The following LRRC37A2 variants were observed in gnomAD, a reference collection of about 807,000 sequenced individuals.
The protein encoded by LRRC37A2 is leucine-rich repeat-containing protein 37A2.
Under a neutral mutation model 68.8 loss-of-function variants are expected in LRRC37A2, and 9 were observed. That is an observed-to-expected ratio of 0.13 (90% CI 0.08 to 0.23). The LOEUF is 0.23. LRRC37A2 is among the 10% of genes least tolerant of loss of function. The pLI is 1.00. For missense variants in LRRC37A2, 168 were observed against 950.4 expected, an observed-to-expected ratio of 0.18 and a Z score of 10.82; for synonymous variants, 63 against 367.6, an observed-to-expected ratio of 0.17 and a Z score of 9.48.
the LRRC37A2 span, chr17:46,818,491 C>G: frequency 5.7e-6 from 9 of 1,587,020 alleles, no homozygotes; most frequent in Non-Finnish European, 6.8e-6. Context: ...GAAACCGGGC[C>G]GCGGGCAGAC....
the LRRC37A2 span, among the ~76,000 whole-genome samples, chr17:46,837,223 G>T: frequency 6.6e-6 from 1 of 152,168 alleles, no homozygotes; most frequent in African/African-American, 2.4e-5. Flanking sequence ...TTACAGGCGT[G>T]AGCCACCGTG....
At chr17:46,851,354 C>G in the LRRC37A2 span, among the ~76,000 whole-genome samples, 1 of 150,778 alleles carries the variant, frequency 6.6e-6, no homozygotes, top group East Asian at 2.0e-4. This position sits in a 1 kb window ranked among gnomAD's most constrained non-coding sequence, Gnocchi z 4.3. Flanking sequence ...CGGGCGGGCG[C>G]GGCGCCAGGT....
the LRRC37A2 span, among the ~76,000 whole-genome samples, chr17:46,866,908 C>T: frequency 1.3e-5 from 2 of 152,290 alleles, no homozygotes; most frequent in Admixed American, 1.3e-4. Flanking sequence ...ATGAGAAAAG[C>T]TCTCCACCAA....
chr17:46,962,186 G>A, the LRRC37A2 span, among the ~76,000 whole-genome samples: 1,429 of 152,088 alleles, frequency 9.4e-3, 26 homozygotes, highest in African/African-American at 0.032. Context: ...AAAATTAGCC[G>A]GGCGTGATGG....
the LRRC37A2 span, chr17:46,757,184 G>A: frequency 2.0e-5 from 3 of 152,144 alleles, no homozygotes; most frequent in African/African-American, 7.2e-5. Context: ...GTGGAGACTT[G>A]GATGTCATAT....
At chr17:46,777,261 G>A in the LRRC37A2 span, among the ~76,000 whole-genome samples, 1 of 152,262 alleles carries the variant, frequency 6.6e-6, no homozygotes, top group Non-Finnish European at 1.5e-5. Flanking sequence ...GGACCAACTT[G>A]TGCGAGGTCA....
At chr17:46,743,016 G>C in the LRRC37A2 span, among the ~76,000 whole-genome samples, 14 of 152,288 alleles carry the variant, frequency 9.2e-5, no homozygotes, top group South Asian at 2.9e-3. Context: ...AGAAGTTGCT[G>C]CCTCTCCCTG....
chr17:46,906,198 G>T, the LRRC37A2 span, among the ~76,000 whole-genome samples: 1 of 152,162 alleles, frequency 6.6e-6, no homozygotes, highest in African/African-American at 2.4e-5. Flanking sequence ...CAGGCTGATG[G>T]GTGGGGTGGG....
the LRRC37A2 span, chr17:47,033,132 A>G: frequency 1.7e-6 from 1 of 583,700 alleles, no homozygotes; most frequent in Non-Finnish European, 3.0e-6. Context: ...CAGGAGAATC[A>G]CTTGACTCCA....
chr17:46,740,599 A>C, the LRRC37A2 span, among the ~76,000 whole-genome samples: 8 of 151,996 alleles, frequency 5.3e-5, no homozygotes, highest in African/African-American at 1.2e-4. Flanking sequence ...GAGAGCATGC[A>C]CAGAACCCTT....
At chr17:46,942,646 A>G in the LRRC37A2 span, among the ~76,000 whole-genome samples, 2 of 152,206 alleles carry the variant, frequency 1.3e-5, no homozygotes, top group Non-Finnish European at 2.9e-5. Flanking sequence ...GTTGGGAAAT[A>G]ATTTCCTAAC....
At chr17:46,873,773 C>T in the LRRC37A2 span, among the ~76,000 whole-genome samples, 4 of 150,574 alleles carry the variant, frequency 2.7e-5, no homozygotes, top group East Asian at 1.9e-4. Context: ...TTTGAGAGGC[C>T]GAGGTCAGGA....
chr17:46,946,461 CAAA>C, the LRRC37A2 span, among the ~76,000 whole-genome samples: 44 of 98,944 alleles, frequency 4.4e-4, no homozygotes, highest in Non-Finnish European at 4.4e-4. Context: ...AACTCCGTCT[CAAA>C]AAAAAAAAAA....
the LRRC37A2 span, among the ~76,000 whole-genome samples, chr17:46,971,912 G>A: frequency 2.6e-5 from 4 of 152,354 alleles, no homozygotes; most frequent in East Asian, 5.8e-4. Flanking sequence ...GAAGCTTTAG[G>A]AAGTAGAGAG....
At chr17:47,027,006 G>A in the LRRC37A2 span, among the ~76,000 whole-genome samples, 3 of 152,116 alleles carry the variant, frequency 2.0e-5, no homozygotes, top group African/African-American at 7.2e-5. Flanking sequence ...CACCTCCTGG[G>A]TTCATGCCAT....
At chr17:46,803,308 C>T in the LRRC37A2 span, among the ~76,000 whole-genome samples, 1 of 152,208 alleles carries the variant, frequency 6.6e-6, no homozygotes, top group African/African-American at 2.4e-5. Context: ...CCCAGACAGG[C>T]AGATCACCTG....
chr17:46,811,332 G>A, the LRRC37A2 span, among the ~76,000 whole-genome samples: 3 of 152,174 alleles, frequency 2.0e-5, no homozygotes, highest in Non-Finnish European at 4.4e-5. Flanking sequence ...AAACAGAATG[G>A]GGGCTCCTGT....
chr17:46,857,690 C>T, the LRRC37A2 span, among the ~76,000 whole-genome samples: 4 of 152,234 alleles, frequency 2.6e-5, no homozygotes, highest in African/African-American at 9.6e-5. Context: ...CCATTTTACA[C>T]AGTAATGTAT....
chr17:46,939,896 A>G, the LRRC37A2 span: 1 of 993,302 alleles, frequency 1.0e-6, no homozygotes, highest in Non-Finnish European at 1.2e-6. Context: ...AAAGTCTCAG[A>G]AAGACCTGGT....
Sources: gnomAD v4.1 joint callset for allele counts (sites outside exome capture counted in the v4.1 genomes callset) on GRCh38, gnomAD v4.1.1 for gene constraint, Gnocchi (gnomAD v3.1) non-coding constraint, MANE v1.5 for transcripts, NCBI Gene and HGNC (gene_info 2026-07-23, HGNC 2026-07-21) for gene names.